Variants in PCDH15 observed in about 807,000 individuals in gnomAD.
PCDH15 encodes protocadherin related 15, also known as protocadherin-15.
PCDH15 carries 129 observed loss-of-function variants against 178.5 expected under a neutral mutation model. The observed-to-expected ratio is 0.72, with a 90% confidence interval of 0.63 to 0.84. The LOEUF is 0.84. Among genes scored for constraint, PCDH15 ranks in the 40% least tolerant of loss-of-function variants. The pLI is 0.00. For missense variants in PCDH15, 2,230 were observed against 2,099.9 expected (o/e 1.06, Z -1.21); for synonymous variants, 800 against 732.0 (o/e 1.09, Z -1.50).
chr10:53,851,883 T>C lies in PCDH15; in HGVS notation c.3806+5292A>G, dbSNP rs1016215018. On this transcript the variant is annotated intron_variant, in intron 28 of 37. Coordinates refer to ENST00000644397, the MANE Select transcript of PCDH15 (RefSeq NM_001384140.1). Reference sequence around the variant, plus strand: ...TTTCAGGTGCTACATAAATATTTCATAAAGTTGAGGCTCTTCCTCATCAAG... The same window carrying C: ...TTTCAGGTGCTACATAAATATTTCACAAAGTTGAGGCTCTTCCTCATCAAG... 2.0e-5 allele frequency among the ~76,000 whole-genome samples: 3 copies of C among 151,528 alleles called. 1 individual carries two copies. The highest frequency in any genetic ancestry group is 3.0e-5 in the Non-Finnish European group (2 of 67,788).
At chr10:53,852,678 C>T (rs2078464075) in intron 28 of PCDH15, among the ~76,000 whole-genome samples, 1 of 151,926 alleles carries the variant, frequency 6.6e-6, no homozygotes. Context: ...TTTTTCCTTT[C>T]ATCAAGTGTC....
intron 3 of PCDH15, among the ~76,000 whole-genome samples, chr10:54,436,489 A>G (rs2075427206): frequency 6.6e-6 from 1 of 152,158 alleles, no homozygotes; most frequent in South Asian, 2.1e-4. Flanking sequence ...TGAAATATTA[A>G]TAAGTTAAGA....
intron 2 of PCDH15, among the ~76,000 whole-genome samples, chr10:55,111,532 T>TAA (rs112529372): frequency 0.015 from 2,274 of 148,424 alleles, 47 homozygotes; most frequent in African/African-American, 0.045. Context: ...AGATACTATT[T>TAA]AAAAAAAAAA....
chr10:54,962,343 A>G (rs536197409), intron 2 of PCDH15, among the ~76,000 whole-genome samples: 183 of 152,308 alleles, frequency 1.2e-3, no homozygotes, highest in African/African-American at 4.3e-3. Flanking sequence ...CCAGCCCAGG[A>G]ACTGTGGGCC....
At chr10:54,515,366 C>A (rs1030319420) in intron 3 of PCDH15, among the ~76,000 whole-genome samples, 12 of 152,192 alleles carry the variant, frequency 7.9e-5, no homozygotes, top group African/African-American at 2.4e-4. Context: ...CCCATGGAGT[C>A]TCGCTGATTG....
At position 55,314,548 on chromosome 10, in the gene PCDH15, C is replaced by T. The variant is rs150278109; in HGVS notation, c.-156+5051G>A. Among the ~76,000 whole-genome samples, 6 of 148,000 alleles carry T rather than the reference C, an allele frequency of 4.1e-5. No individual in the cohort carries two copies. The East Asian group carries it at 9.8e-4, about 24-fold the overall frequency. ...TGCCTGGGTTTGTCGCCACAATATT[C>T]GTCATTATATATATTACAGAGCTCT... is the stretch of plus-strand genomic sequence containing the variant. On this transcript the variant is annotated intron_variant, in intron 1 of 5. Coordinates refer to the PCDH15 transcript ENST00000458638.
intron 2 of PCDH15, among the ~76,000 whole-genome samples, chr10:54,908,293 C>G (rs1954760717): frequency 6.6e-6 from 1 of 152,070 alleles, no homozygotes; most frequent in Non-Finnish European, 1.5e-5. Flanking sequence ...GCAGGCAACT[C>G]CAGGTGCTGG....
intron 2 of PCDH15, among the ~76,000 whole-genome samples, chr10:54,589,674 T>C (rs1565679112): frequency 6.6e-6 from 1 of 152,160 alleles, no homozygotes; most frequent in East Asian, 1.9e-4. Flanking sequence ...TATTTTTTTC[T>C]GAGACAGAGT....
chr10:55,099,138 C>T (rs746531936), intron 2 of PCDH15, among the ~76,000 whole-genome samples: 1 of 151,972 alleles, frequency 6.6e-6, no homozygotes, highest in Non-Finnish European at 1.5e-5. Context: ...ATGTTGCTCA[C>T]GCTGATCTTA....
intron 2 of PCDH15, among the ~76,000 whole-genome samples, chr10:54,556,014 C>T (rs977728542): frequency 5.9e-5 from 9 of 152,074 alleles, no homozygotes; most frequent in African/African-American, 9.7e-5. Flanking sequence ...AAAATAATTA[C>T]GAATACTATG....
chr10:55,118,734 T>C (rs918449938), intron 2 of PCDH15, among the ~76,000 whole-genome samples: 1 of 152,228 alleles, frequency 6.6e-6, no homozygotes, highest in African/African-American at 2.4e-5. Context: ...CATTATTAAT[T>C]GGTTCCCAGA....
At chr10:55,091,412 G>A (rs1842313660) in intron 2 of PCDH15, among the ~76,000 whole-genome samples, 1 of 151,788 alleles carries the variant, frequency 6.6e-6, no homozygotes, top group South Asian at 2.1e-4. Context: ...TCCCATACCA[G>A]GAGTCTTACA....
chr10:54,738,667 C>T (rs1944415580), intron 1 of PCDH15, among the ~76,000 whole-genome samples: 1 of 151,944 alleles, frequency 6.6e-6, no homozygotes, highest in Non-Finnish European at 1.5e-5. Flanking sequence ...AAAACACTAG[C>T]AAACTGAATT....
chr10:53,956,671 G>C (rs938967132), intron 23 of PCDH15, among the ~76,000 whole-genome samples: 4 of 151,992 alleles, frequency 2.6e-5, no homozygotes, highest in Non-Finnish European at 5.9e-5. Flanking sequence ...ATACACAGTA[G>C]GATGCAACAA....
intron 2 of PCDH15, among the ~76,000 whole-genome samples, chr10:55,575,905 T>A (rs1842489368): frequency 6.6e-6 from 1 of 152,174 alleles, no homozygotes; most frequent in African/African-American, 2.4e-5. Context: ...AGAGGAGGCT[T>A]GCTTTGATAG....
intron 2 of PCDH15, among the ~76,000 whole-genome samples, chr10:54,632,013 A>C (rs1185147191): frequency 6.6e-6 from 1 of 152,272 alleles, no homozygotes; most frequent in Middle Eastern, 3.4e-3. Flanking sequence ...GCCAAACCTT[A>C]TCATCAAGAC....
chr10:53,836,259 A>G (rs1452301730), intron 29 of PCDH15, among the ~76,000 whole-genome samples: 1 of 152,184 alleles, frequency 6.6e-6, no homozygotes, highest in Admixed American at 6.5e-5. Context: ...CCATGATGCC[A>G]TAAGAAAGAG....
chr10:55,564,024 A>G (rs2132102146), intron 2 of PCDH15, among the ~76,000 whole-genome samples: 1 of 152,036 alleles, frequency 6.6e-6, no homozygotes, highest in African/African-American at 2.4e-5. Flanking sequence ...TATAAAAGCT[A>G]GTATTATTGT....
chr10:54,604,986 A>T (rs2092686423), intron 2 of PCDH15, among the ~76,000 whole-genome samples: 1 of 151,834 alleles, frequency 6.6e-6, no homozygotes, highest in East Asian at 1.9e-4. Context: ...ATAAAATATA[A>T]TTATAATAAT....
Sources: allele counts gnomAD v4.1 joint callset (sites outside exome capture counted in the v4.1 genomes callset), GRCh38; gene constraint gnomAD v4.1.1; transcripts MANE v1.5; gene names NCBI Gene and HGNC (gene_info 2026-07-23, HGNC 2026-07-21).